The following PDE4D variants were observed in gnomAD, a reference collection of about 807,000 sequenced individuals.
PDE4D encodes the protein 3',5'-cyclic-AMP phosphodiesterase 4D.
Under a neutral mutation model 87.4 loss-of-function variants are expected in PDE4D, and 24 were observed. The ratio of observed to expected loss-of-function variants is 0.27; its 90% CI spans 0.20 to 0.39. The LOEUF is 0.39. Ranked by LOEUF, PDE4D falls within the 10% of genes least tolerant of loss-of-function variation. The pLI is 1.00. For synonymous variants in PDE4D, 384 were observed against 383.2 expected (o/e 1.00, Z -0.02); for missense variants, 714 against 1,041.0 (o/e 0.69, Z 4.32).
intron 1 of PDE4D, among the ~76,000 whole-genome samples, chr5:60,420,118 A>G (rs903440165): frequency 3.9e-5 from 6 of 152,226 alleles, no homozygotes; most frequent in African/African-American, 1.4e-4. Context: ...GTGGAGGTCA[A>G]GTAATGCTGG....
chr5:60,339,114 C>T (rs1758080082), intron 1 of PDE4D, among the ~76,000 whole-genome samples: 1 of 152,176 alleles, frequency 6.6e-6, no homozygotes, highest in African/African-American at 2.4e-5. Context: ...TTCTTTTTCC[C>T]TCTTCACATC....
chr5:59,142,685 C>G (rs1438712522), intron 5 of PDE4D, among the ~76,000 whole-genome samples: 1 of 152,138 alleles, frequency 6.6e-6, no homozygotes, highest in African/African-American at 2.4e-5. Flanking sequence ...GCCTGTAATC[C>G]CAGCACTTTG....
chr5:60,166,277 G>T (rs1284979058), intron 2 of PDE4D, among the ~76,000 whole-genome samples: 1 of 152,012 alleles, frequency 6.6e-6, no homozygotes, highest in African/African-American at 2.4e-5. Flanking sequence ...TGTATTCTTA[G>T]TAGAGACGAG....
intron 1 of PDE4D, among the ~76,000 whole-genome samples, chr5:59,427,029 A>ACG (rs1486903840): frequency 6.7e-6 from 1 of 148,170 alleles, no homozygotes; most frequent in Non-Finnish European, 1.5e-5. Flanking sequence ...ACACACACAC[A>ACG]CACACACACA....
chr5:60,385,904 AC>A (rs1762159333), intron 1 of PDE4D, among the ~76,000 whole-genome samples: 1 of 151,986 alleles, frequency 6.6e-6, no homozygotes, highest in Admixed American at 6.6e-5. Context: ...GGGCACTTCC[AC>A]CTGTGCCACT....
intron 1 of PDE4D, among the ~76,000 whole-genome samples, chr5:60,292,831 A>T (rs1035709528): frequency 3.3e-5 from 5 of 152,170 alleles, no homozygotes; most frequent in African/African-American, 1.2e-4. Flanking sequence ...AACTTCAATT[A>T]CTCTCAATTC....
intron 1 of PDE4D, among the ~76,000 whole-genome samples, chr5:60,296,643 T>G (rs1277160454): frequency 6.6e-6 from 1 of 152,172 alleles, no homozygotes; most frequent in Non-Finnish European, 1.5e-5. Flanking sequence ...CACATGCACG[T>G]ATATGTTTAT....
At chr5:60,338,968 C>A (rs537350228) in intron 1 of PDE4D, among the ~76,000 whole-genome samples, 1 of 152,074 alleles carries the variant, frequency 6.6e-6, no homozygotes, top group African/African-American at 2.4e-5. Flanking sequence ...AACCTAATTG[C>A]GGTCAATCAG....
chr5:59,028,057 G>A (rs978894976), intron 6 of PDE4D, among the ~76,000 whole-genome samples: 7 of 152,068 alleles, frequency 4.6e-5, no homozygotes, highest in African/African-American at 1.4e-4. Flanking sequence ...GAGGAAGAAC[G>A]TATGTACATT....
At chr5:59,068,395 TGTTA>T (rs1267208814) in intron 5 of PDE4D, among the ~76,000 whole-genome samples, 2 of 152,158 alleles carry the variant, frequency 1.3e-5, no homozygotes, top group Non-Finnish European at 2.9e-5. Context: ...TTCACTCATT[TGTTA>T]GTTCAGTTAT....
chr5:59,436,761 T>C (rs1796853897), intron 1 of PDE4D, among the ~76,000 whole-genome samples: 1 of 152,190 alleles, frequency 6.6e-6, no homozygotes, highest in Admixed American at 6.5e-5. Flanking sequence ...TAATGGAGCC[T>C]CTTTGAGAGC....
At chr5:59,589,606 G>A (rs1359830666) in intron 1 of PDE4D, among the ~76,000 whole-genome samples, 1 of 152,128 alleles carries the variant, frequency 6.6e-6, no homozygotes, top group Non-Finnish European at 1.5e-5. Flanking sequence ...TCATTTATCT[G>A]ACATTATTTT....
At chr5:59,554,838 GA>G (rs1818641716) in intron 1 of PDE4D, among the ~76,000 whole-genome samples, 1 of 152,068 alleles carries the variant, frequency 6.6e-6, no homozygotes, top group East Asian at 1.9e-4. Flanking sequence ...AGTAAAAACA[GA>G]AAAAGCAAAG....
Position 58,975,184 on chromosome 5 carries a change from CTACTAAACT to C in PDE4D, c.2014-113_2014-105del, listed in dbSNP as rs1478170304. The C allele has an allele frequency of 1.6e-6, 1 of 614,008 alleles. No individual in the cohort carries two copies. Among genetic ancestry groups the C allele is most frequent in the Non-Finnish European group, 2.6e-6 (1 of 389,950 alleles). The allele number at this position is 614,008 out of a possible 1,614,324, so 38.0% of individuals were successfully genotyped here. ...CACAAATAAAACACTGAACAGAAGA[CTACTAAACT>C]TAGTTTGGTAAAATTGTCACTATTT... On this transcript the variant is annotated intron_variant, in intron 14 of 14. Coordinates refer to ENST00000340635, the MANE Select transcript of PDE4D (RefSeq NM_001104631.2). This position sits in a 1 kb window ranked among gnomAD's most constrained non-coding sequence, Gnocchi z 4.2.
At chr5:60,288,585 A>T (rs1583313123) in intron 1 of PDE4D, among the ~76,000 whole-genome samples, 1 of 152,338 alleles carries the variant, frequency 6.6e-6, no homozygotes, top group Non-Finnish European at 1.5e-5. Context: ...GTATGAAAAA[A>T]AGTTTTTTAA....
At chr5:59,167,934 G>C (rs963717700) in intron 5 of PDE4D, among the ~76,000 whole-genome samples, 1 of 152,100 alleles carries the variant, frequency 6.6e-6, no homozygotes, top group African/African-American at 2.4e-5. Flanking sequence ...TATGTGGACA[G>C]TTCTGTGTTC....
chr5:59,377,516 G>A (rs1163641752), intron 1 of PDE4D, among the ~76,000 whole-genome samples: 1 of 152,016 alleles, frequency 6.6e-6, no homozygotes, highest in Non-Finnish European at 1.5e-5. Flanking sequence ...AAGAGCTCTT[G>A]CACAGGAAAG....
chr5:59,080,638 A>T (rs1380405065), intron 5 of PDE4D, among the ~76,000 whole-genome samples: 2 of 152,130 alleles, frequency 1.3e-5, no homozygotes, highest in Non-Finnish European at 2.9e-5. Flanking sequence ...ACAGGGCAAA[A>T]CGGGGGCCCC....
At chr5:60,319,005 G>T (rs1036067015) in intron 1 of PDE4D, among the ~76,000 whole-genome samples, 1 of 152,112 alleles carries the variant, frequency 6.6e-6, no homozygotes, top group African/African-American at 2.4e-5. Flanking sequence ...AGCATTTTCT[G>T]TATTTCCTGA....
Sources: allele counts gnomAD v4.1 joint callset (sites outside exome capture counted in the v4.1 genomes callset), GRCh38; gene constraint gnomAD v4.1.1; non-coding constraint Gnocchi (gnomAD v3.1); transcripts MANE v1.5; gene names NCBI Gene and HGNC (gene_info 2026-07-23, HGNC 2026-07-21).